Variants in INTS6 observed in about 807,000 individuals in gnomAD.
INTS6 encodes the protein integrator complex subunit 6, also known as DEAD box protein.
A neutral mutation model predicts 104.9 loss-of-function variants in INTS6; 16 were observed. The ratio of observed to expected loss-of-function variants is 0.15; its 90% CI spans 0.10 to 0.23. INTS6 has a LOEUF of 0.23. Ranked by LOEUF, INTS6 falls within the 10% of genes least tolerant of loss-of-function variation. INTS6 has a pLI of 1.00. For synonymous variants in INTS6, 324 were observed against 358.7 expected (o/e 0.90, Z 1.09); for missense variants, 584 against 1,062.8 (o/e 0.55, Z 6.26).
the INTS6 span, chr13:51,344,127 A>G: frequency 2.8e-6 from 2 of 705,122 alleles, no homozygotes; most frequent in Non-Finnish European, 2.5e-6. Flanking sequence ...TTTGTATGGT[A>G]GATGAACCTT....
chr13:51,372,688 C>G (rs1301185024), intron 15 of INTS6, among the ~76,000 whole-genome samples: 1 of 152,176 alleles, frequency 6.6e-6, no homozygotes, highest in Non-Finnish European at 1.5e-5. Flanking sequence ...CAGTGTCTCT[C>G]AAGACATACG....
At chr13:51,382,769 T>TA (rs1408428817) in intron 9 of INTS6, among the ~76,000 whole-genome samples, 4 of 152,166 alleles carry the variant, frequency 2.6e-5, no homozygotes, top group Admixed American at 6.6e-5. Context: ...AATATTTAAT[T>TA]AAAAAATTTA....
In INTS6 at chr13:51,383,617, T is replaced by G; in HGVS notation, c.1019A>C (p.Glu340Ala). 2 of 1,613,930 alleles carry G rather than the reference T, an allele frequency of 1.2e-6. No individual in the cohort carries two copies. Among genetic ancestry groups the G allele is most frequent in the Non-Finnish European group, 1.7e-6 (2 of 1,179,922 alleles). ...CCAACATGTTTGAGGAGATTTCCTT[T>G]CCAGGATAAATTGAGTCAGTGGTGA... Reference protein sequence around the residue: ...EPSPLTQFILERKSPQTCWQV... With the variant: ...EPSPLTQFILARKSPQTCWQV... The change falls in exon 8 of 18, where the codon GAA becomes GCA. Residue 340 changes from glutamate (E) to alanine (A), a missense_variant. By Grantham distance (107) the Glu-to-Ala change is moderately radical. Transcript: ENST00000311234.
At chr13:51,450,904 T>C in intron 3 of INTS6, 121 bp downstream of exon 3, 2 of 1,341,850 alleles carry the variant, frequency 1.5e-6, no homozygotes, top group South Asian at 2.4e-5. Flanking sequence ...ACAATGTGCA[T>C]ATTCTATTTT....
At chr13:51,414,462 C>T (rs964854814) in intron 4 of INTS6, among the ~76,000 whole-genome samples, 1 of 152,082 alleles carries the variant, frequency 6.6e-6, no homozygotes, top group Non-Finnish European at 1.5e-5. Context: ...CAAAGAGGCA[C>T]TGTATGTGTG....
At chr13:51,335,546 C>A in the INTS6 span, among the ~76,000 whole-genome samples, 1 of 152,114 alleles carries the variant, frequency 6.6e-6, no homozygotes, top group Non-Finnish European at 1.5e-5. Context: ...TGTTCCAGAG[C>A]GTAGTGTGGA....
intron 4 of INTS6, among the ~76,000 whole-genome samples, chr13:51,413,428 C>G (rs1956726294): frequency 6.6e-6 from 1 of 152,052 alleles, no homozygotes; most frequent in African/African-American, 2.4e-5. Context: ...ATAATAAAAT[C>G]AGTAAAAATT....
chr13:51,355,215 A>G, intron 3 of INTS6: 1 of 563,710 alleles, frequency 1.8e-6, no homozygotes, highest in Non-Finnish European at 3.1e-6. Context: ...TGATTAAGGG[A>G]TTCTCATTTC....
At position 51,368,831 on chromosome 13, in the gene INTS6, T is replaced by C. The variant is rs1322317143; in HGVS notation, c.2476+108A>G. The C allele has an allele frequency of 7.0e-6, 8 of 1,141,444 alleles. No individual in the cohort carries two copies. The South Asian group carries it at 1.1e-4, about 16-fold the overall frequency. The allele number at this position is 1,141,444 out of a possible 1,614,324, so 70.7% of individuals were successfully genotyped here. On this transcript the variant is annotated intron_variant, in intron 16 of 17. Coordinates refer to ENST00000311234, the MANE Select transcript of INTS6 (RefSeq NM_012141.3). ...ACTGAGATGTTGTTCAAGACAGATCTAGAATCATATGTATTCTTTTACTAC... is the reference window on the plus strand; with the variant it reads ...ACTGAGATGTTGTTCAAGACAGATCCAGAATCATATGTATTCTTTTACTAC...
intron 4 of INTS6, chr13:51,421,080 C>T (rs1956888393): frequency 6.6e-6 from 6 of 914,050 alleles, no homozygotes; most frequent in Non-Finnish European, 7.8e-6. Context: ...TAGTCATAGC[C>T]CCCAGAGAGA....
chr13:51,374,147 A>G (rs1955868216), intron 15 of INTS6, 61 bp downstream of exon 15: 2 of 1,312,960 alleles, frequency 1.5e-6, no homozygotes, highest in African/African-American at 2.9e-5. Context: ...TAACAAAAAT[A>G]TCTTCCTTGA....
chr13:51,350,784 G>A (rs1344309605), downstream of INTS6, among the ~76,000 whole-genome samples: 1 of 152,082 alleles, frequency 6.6e-6, no homozygotes, highest in Non-Finnish European at 1.5e-5. Flanking sequence ...TCCATTAGCA[G>A]TCACTCCCAG....
the INTS6 span, among the ~76,000 whole-genome samples, chr13:51,347,526 C>T: frequency 6.6e-6 from 1 of 152,162 alleles, no homozygotes; most frequent in South Asian, 2.1e-4. Flanking sequence ...AAACTGCCAC[C>T]CTGGCAGGCA....
At position 51,452,621 on chromosome 13, in the gene INTS6, G is replaced by A. The variant is rs376376636; in HGVS notation, c.-96C>T. 3.4e-4 allele frequency: 519 copies of A among 1,533,406 alleles called. 5 individuals carry two copies. In the East Asian group the frequency reaches 0.012, roughly 35 times the overall value. The allele number at this position is 1,533,406 out of a possible 1,614,324, so 95.0% of individuals were successfully genotyped here. A position where few individuals can be genotyped will look rare whatever the true frequency, so the allele number is the denominator to read the frequency against. ...GGCGGCGACCGCCGCTACGCGGGGC[G>A]GGGGAGCACGGCCCCCGGGAGGAAA... On this transcript the variant is annotated 5_prime_UTR_variant, in exon 1 of 18. Transcript: ENST00000311234. The surrounding 1 kb of genome is among the most constrained non-coding windows in gnomAD (Gnocchi z 4.2).
intron 3 of INTS6, chr13:51,436,641 A>C (rs1952693895): frequency 1.3e-5 from 2 of 152,332 alleles, no homozygotes; most frequent in South Asian, 4.1e-4. Context: ...AGAACTGCAG[A>C]ATCACTAAAG....
chr13:51,344,228 C>T, the INTS6 span: 67 of 1,588,850 alleles, frequency 4.2e-5, no homozygotes, highest in East Asian at 1.1e-3. Context: ...CCATTGTCAA[C>T]TTATCCCAAC....
chr13:51,437,448 T>C (rs985354026), intron 3 of INTS6: 1 of 151,324 alleles, frequency 6.6e-6, no homozygotes, highest in Admixed American at 6.6e-5. Context: ...ACTACAAATA[T>C]GGTCTCAAAA....
At position 51,365,616 on chromosome 13, in the gene INTS6, G is replaced by T; in HGVS notation, c.*136C>A. 2.2e-6 allele frequency: 1 copy of T among 457,474 alleles called. No individual in the cohort carries two copies. Among genetic ancestry groups the T allele is most frequent in the South Asian group, 5.4e-5 (1 of 18,564 alleles). The allele number at this position is 457,474 out of a possible 1,614,324, so 28.3% of individuals were successfully genotyped here. A position where few individuals can be genotyped will look rare whatever the true frequency, so the allele number is the denominator to read the frequency against. ...AGGTCACTGTAAAATGATGGAAAAA[G>T]GATCTGTAGATTTGCTTTTAGTATT... On this transcript the variant is annotated 3_prime_UTR_variant, in exon 18 of 18. Transcript: ENST00000311234.
At chr13:51,336,566 G>T in the INTS6 span, among the ~76,000 whole-genome samples, 3,803 of 152,262 alleles carry the variant, frequency 0.025, 61 homozygotes, top group South Asian at 0.056. Flanking sequence ...GTTACATGAC[G>T]ATTCCAAAGC....
Sources: gnomAD v4.1 joint callset for allele counts (sites outside exome capture counted in the v4.1 genomes callset) on GRCh38, gnomAD v4.1.1 for gene constraint, Gnocchi (gnomAD v3.1) non-coding constraint, MANE v1.5 for transcripts, NCBI Gene and HGNC (gene_info 2026-07-23, HGNC 2026-07-21) for gene names.